Variants in KCNJ6 observed in about 807,000 individuals in gnomAD.
The protein encoded by KCNJ6 is potassium inwardly rectifying channel subfamily J member 6.
KCNJ6 carries 9 observed loss-of-function variants against 34.2 expected under a neutral mutation model. The ratio of observed to expected loss-of-function variants is 0.26; its 90% CI spans 0.16 to 0.46. KCNJ6 has a LOEUF of 0.46. KCNJ6 is among the 20% of genes least tolerant of loss of function. The pLI, the probability that KCNJ6 is intolerant of heterozygous loss-of-function variation, is 1.00. For missense variants in KCNJ6, 236 were observed against 531.3 expected, an observed-to-expected ratio of 0.44 and a Z score of 5.46; for synonymous variants, 196 against 207.1, an observed-to-expected ratio of 0.95 and a Z score of 0.46.
intron 2 of KCNJ6, among the ~76,000 whole-genome samples, chr21:37,774,876 G>T (rs1023198338): frequency 6.6e-6 from 1 of 152,162 alleles, no homozygotes; most frequent in South Asian, 2.1e-4. Flanking sequence ...GTAATGGGAC[G>T]GCTGGGTCAA....
At chr21:37,737,784 C>T (rs1414232772) in intron 2 of KCNJ6, among the ~76,000 whole-genome samples, 2 of 152,152 alleles carry the variant, frequency 1.3e-5, no homozygotes, top group East Asian at 1.9e-4. Flanking sequence ...GATTCCTGCC[C>T]GATGATCTTG....
At chr21:37,830,538 A>T (rs552539126) in intron 2 of KCNJ6, among the ~76,000 whole-genome samples, 1 of 152,158 alleles carries the variant, frequency 6.6e-6, no homozygotes, top group African/African-American at 2.4e-5. Flanking sequence ...CAAGTTGATC[A>T]TCCTACAATT....
chr21:37,902,199 A>G (rs1025846596), intron 1 of KCNJ6, among the ~76,000 whole-genome samples: 2 of 152,250 alleles, frequency 1.3e-5, no homozygotes, highest in African/African-American at 4.8e-5. Flanking sequence ...AGTGACCTGG[A>G]CTGTGCTTCA....
chr21:37,753,811 T>C (rs2055009587), intron 2 of KCNJ6, among the ~76,000 whole-genome samples: 2 of 151,706 alleles, frequency 1.3e-5, no homozygotes, highest in Admixed American at 1.3e-4. Flanking sequence ...CCTCCCGATT[T>C]TCAAGGCAGG....
chr21:37,846,287 A>G (rs2055506931), intron 1 of KCNJ6, among the ~76,000 whole-genome samples: 1 of 152,046 alleles, frequency 6.6e-6, no homozygotes. Context: ...CTAAAATGAC[A>G]GAGGTGTTTT....
rs2054725022 is a variant in KCNJ6, at chr21:37,707,284, C to T, written c.946+6927G>A. ...AAGGTCCCTGGGGACAATGAAGATG[C>T]TCGCTGGGACTGGGTCTCCCGACTG... is the stretch of plus-strand genomic sequence containing the variant. On this transcript the variant is annotated intron_variant, in intron 3 of 3. Coordinates refer to ENST00000609713, the MANE Select transcript of KCNJ6 (RefSeq NM_002240.5). 1.3e-5 allele frequency among the ~76,000 whole-genome samples: 2 copies of T among 152,236 alleles called. 1 individual carries two copies. Among genetic ancestry groups the T allele is most frequent in the South Asian group, 4.1e-4 (2 of 4,828 alleles).
chr21:37,745,033 G>T (rs1244489864), intron 2 of KCNJ6, among the ~76,000 whole-genome samples: 3 of 150,948 alleles, frequency 2.0e-5, no homozygotes, highest in Non-Finnish European at 2.9e-5. Flanking sequence ...GGGAACCAGG[G>T]AGATAGTAGC....
chr21:37,725,319 G>T (rs1305633780), intron 2 of KCNJ6, among the ~76,000 whole-genome samples: 1 of 152,118 alleles, frequency 6.6e-6, no homozygotes, highest in Non-Finnish European at 1.5e-5. Flanking sequence ...CTTGAACCTG[G>T]GAGGCAGAGG....
rs370325402 is a variant in KCNJ6 at position 37,674,568 on chromosome 21, C to T, written c.946+39643G>A. On this transcript the variant is annotated intron_variant, in intron 3 of 3. Transcript: ENST00000609713. The stretch of plus-strand genomic sequence containing the variant: ...TGCTTCTCCAAGCTTCCTTTCACCA[C>T]AGGGCCTTTGCATGCAGGTCCTCTC... Among the ~76,000 whole-genome samples, 17 of 151,534 alleles carry T rather than the reference C, an allele frequency of 1.1e-4. No individual in the cohort carries two copies. In the East Asian group the frequency reaches 1.6e-3, roughly 14 times the overall value.
At chr21:37,699,786 C>A (rs1457160778) in intron 3 of KCNJ6, among the ~76,000 whole-genome samples, 1 of 152,180 alleles carries the variant, frequency 6.6e-6, no homozygotes, top group African/African-American at 2.4e-5. Context: ...GCTTTAAACT[C>A]TCTGTATTTA....
Position 37,741,303 on chromosome 21 carries a change from G to T in KCNJ6, c.26-26172C>A, listed in dbSNP as rs1203516088. Among the ~76,000 whole-genome samples the T allele has an allele frequency of 2.0e-5, 3 of 152,158 alleles. No homozygotes were observed. In the East Asian group the frequency reaches 5.8e-4, roughly 29 times the overall value. ...GACTCTCTCTGCAGCCCAGGAGAATGACCTTTCTGGATGTACCTGGTCTCT... is the reference window on the plus strand; with the variant it reads ...GACTCTCTCTGCAGCCCAGGAGAATTACCTTTCTGGATGTACCTGGTCTCT... On this transcript the variant is annotated intron_variant, in intron 2 of 3. Coordinates refer to ENST00000609713, the MANE Select transcript of KCNJ6 (RefSeq NM_002240.5).
At chr21:37,735,510 C>A (rs1014835367) in intron 2 of KCNJ6, among the ~76,000 whole-genome samples, 2 of 152,220 alleles carry the variant, frequency 1.3e-5, no homozygotes, top group African/African-American at 4.8e-5. Flanking sequence ...GCCCTTCTCA[C>A]TGAAGCTCTC....
intron 2 of KCNJ6, among the ~76,000 whole-genome samples, chr21:37,784,408 AAG>A (rs1409551742): frequency 1.3e-5 from 2 of 152,236 alleles, no homozygotes; most frequent in African/African-American, 2.4e-5. Flanking sequence ...AGGCTGGAGT[AAG>A]CTGGGTGTCA....
At chr21:37,720,749 G>A (rs1006408872) in intron 2 of KCNJ6, among the ~76,000 whole-genome samples, 18 of 148,710 alleles carry the variant, frequency 1.2e-4, no homozygotes, top group South Asian at 6.5e-4. Context: ...CGCCCAGGCC[G>A]GACTGCGGAC....
chr21:37,649,448 A>T (rs857986), intron 3 of KCNJ6, among the ~76,000 whole-genome samples: 44,267 of 151,960 alleles, frequency 0.29, 6,648 homozygotes, highest in East Asian at 0.41. Flanking sequence ...AATTGATGAA[A>T]TTTTTTTTAA....
intron 2 of KCNJ6, among the ~76,000 whole-genome samples, chr21:37,740,953 G>A (rs1260943423): frequency 2.0e-5 from 3 of 152,148 alleles, no homozygotes; most frequent in Admixed American, 2.0e-4. Flanking sequence ...TTCCTCTTCT[G>A]TCTGTCCCCT....
At chr21:37,871,434 C>A (rs868463716) in intron 1 of KCNJ6, among the ~76,000 whole-genome samples, 3 of 152,198 alleles carry the variant, frequency 2.0e-5, no homozygotes, top group Middle Eastern at 3.2e-3. Context: ...CCCTGTACAC[C>A]TCCCACCCAC....
chr21:37,726,828 T>C (rs942331377), intron 2 of KCNJ6, among the ~76,000 whole-genome samples: 3 of 152,204 alleles, frequency 2.0e-5, no homozygotes, highest in African/African-American at 2.4e-5. Context: ...GAGCTGTCCA[T>C]TGGACTTGGC....
rs772060420 is a variant in KCNJ6 at position 37,863,846 on chromosome 21, G to GTTTTTTTTTTTTTTTTTTTTTTTTTTT, written c.-27-23138_-27-23137insAAAAAAAAAAAAAAAAAAAAAAAAAAA. 9.3e-5 allele frequency among the ~76,000 whole-genome samples: 9 copies of GTTTTTTTTTTTTTTTTTTTTTTTTTTT among 97,064 alleles called. 2 individuals carry two copies. Among genetic ancestry groups the GTTTTTTTTTTTTTTTTTTTTTTTTTTT allele is most frequent in the African/African-American group, 2.6e-4 (6 of 23,088 alleles). The allele number at this position is 97,064 out of a possible 152,430, so 63.7% of individuals were successfully genotyped here. A position where few individuals can be genotyped will look rare whatever the true frequency, so the allele number is the denominator to read the frequency against. ...CTTTAAGCAATTTTAAAATATAAAG[G>GTTTTTTTTTTTTTTTTTTTTTTTTTTT]TTTTTTTTTTTTTGTTTTTTTTTTT... On this transcript the variant is annotated intron_variant, in intron 1 of 3. Coordinates refer to ENST00000609713, the MANE Select transcript of KCNJ6 (RefSeq NM_002240.5).
Sources: allele counts gnomAD v4.1 joint callset (sites outside exome capture counted in the v4.1 genomes callset), GRCh38; gene constraint gnomAD v4.1.1; transcripts MANE v1.5; gene names NCBI Gene and HGNC (gene_info 2026-07-23, HGNC 2026-07-21).